The following NLRP11 variants were observed in gnomAD, a reference collection of about 807,000 sequenced individuals.
The protein encoded by NLRP11 is NACHT, LRR and PYD domains-containing protein 11.
Under a neutral mutation model 79.3 loss-of-function variants are expected in NLRP11, and 53 were observed. That is an observed-to-expected ratio of 0.67 (90% CI 0.54 to 0.84). The LOEUF (loss-of-function observed/expected upper bound fraction) is 0.84, where lower values mean the gene tolerates loss of function less well. NLRP11 is among the 40% of genes least tolerant of loss of function. NLRP11 has a pLI of 0.00. For synonymous variants in NLRP11, 518 were observed against 462.6 expected (o/e 1.12, Z -1.54); for missense variants, 1,264 against 1,255.0 (o/e 1.01, Z -0.11).
At chr19:55,823,139 C>A (rs1417844568) in intron 1 of NLRP11, among the ~76,000 whole-genome samples, 627 of 125,536 alleles carry the variant, frequency 5.0e-3, no homozygotes, top group African/African-American at 0.011. Context: ...GGAGGCACCC[C>A]CCAGCAGGAG....
At chr19:55,817,398 T>C (rs1281173208) in intron 2 of NLRP11, among the ~76,000 whole-genome samples, 1 of 151,960 alleles carries the variant, frequency 6.6e-6, no homozygotes, top group African/African-American at 2.4e-5. Flanking sequence ...AATTCGCAAT[T>C]GCAAAAATAT....
In NLRP11 at chr19:55,792,276, T is replaced by C. The variant is rs376258681; in HGVS notation, c.2513+25A>G. The C allele has an allele frequency of 8.7e-6, 14 of 1,606,848 alleles. No homozygotes were observed. The African/African-American group carries it at 1.5e-4, about 17-fold the overall frequency. On this transcript the variant is annotated intron_variant, in intron 7 of 9. Transcript: ENST00000589093. The stretch of plus-strand genomic sequence containing the variant: ...CCCTCATGCAGTAGAAACACAGTCA[T>C]CCAGGACAACTGTGGGAGACTTACT...
chr19:55,819,496 TC>T (rs1981479052), intron 1 of NLRP11, among the ~76,000 whole-genome samples: 1 of 152,094 alleles, frequency 6.6e-6, no homozygotes, highest in Non-Finnish European at 1.5e-5. Context: ...GACTAAAGAA[TC>T]CATTCCAGAG....
At chr19:55,792,277 C>A (rs778348032) in intron 7 of NLRP11, 24 bp downstream of exon 7, 2 of 1,607,742 alleles carry the variant, frequency 1.2e-6, no homozygotes, top group East Asian at 2.2e-5. Context: ...ACACAGTCAT[C>A]CAGGACAACT....
intron 2 of NLRP11, among the ~76,000 whole-genome samples, chr19:55,811,513 T>C (rs1980597560): frequency 6.6e-6 from 1 of 152,048 alleles, no homozygotes; most frequent in Non-Finnish European, 1.5e-5. Flanking sequence ...TGTACTGGAA[T>C]GTGGCACACT....
upstream of NLRP11, chr19:55,836,561 C>A (rs73935415): frequency 6.6e-6 from 1 of 152,336 alleles, no homozygotes; most frequent in African/African-American, 2.4e-5. Context: ...AGGCGTGGAG[C>A]GGTGAGTCAG....
chr19:55,796,364 A>C, intron 5 of NLRP11, 114 bp from the exon 6 acceptor site: 2 of 793,592 alleles, frequency 2.5e-6, no homozygotes, highest in Non-Finnish European at 3.9e-6. Flanking sequence ...GTCTACTTGG[A>C]AATAAATAGA....
intron 7 of NLRP11, among the ~76,000 whole-genome samples, chr19:55,791,928 G>A (rs1481755908): frequency 4.6e-5 from 7 of 152,090 alleles, no homozygotes; most frequent in Non-Finnish European, 1.0e-4. Context: ...ATGCCCCCAT[G>A]ATCGCCAACC....
chr19:55,833,080 A>G (rs1292516696), upstream of NLRP11, among the ~76,000 whole-genome samples: 1 of 152,248 alleles, frequency 6.6e-6, no homozygotes, highest in Admixed American at 6.5e-5. Flanking sequence ...ACTAATTGGA[A>G]TTTAAAATTT....
intron 9 of NLRP11, 62 bp downstream of exon 9, chr19:55,788,745 A>C: frequency 9.9e-5 from 36 of 362,810 alleles, no homozygotes; most frequent in South Asian, 6.9e-4. Flanking sequence ...GTCTCTCAAA[A>C]AAAAAAAAAA....
At chr19:55,817,797 C>T in intron 2 of NLRP11, 107 bp downstream of exon 2, 1 of 893,698 alleles carries the variant, frequency 1.1e-6, no homozygotes, top group Non-Finnish European at 1.7e-6. Flanking sequence ...TCAAATACCA[C>T]CTGCTTCCCA....
intron 7 of NLRP11, among the ~76,000 whole-genome samples, chr19:55,790,365 A>G (rs1481884512): frequency 2.0e-5 from 3 of 152,194 alleles, no homozygotes; most frequent in Admixed American, 6.5e-5. Context: ...CATGAAACAC[A>G]TGTAGATGAA....
At chr19:55,808,440 A>G (rs566731999) in intron 3 of NLRP11, among the ~76,000 whole-genome samples, 2 of 152,260 alleles carry the variant, frequency 1.3e-5, no homozygotes, top group African/African-American at 4.8e-5. Context: ...TTGGTGATGT[A>G]TAAGATTTTT....
chr19:55,806,995 T>C (rs1980061059), intron 4 of NLRP11, among the ~76,000 whole-genome samples: 1 of 152,170 alleles, frequency 6.6e-6, no homozygotes, highest in Non-Finnish European at 1.5e-5. Context: ...AATACCCACT[T>C]ATGCACCCTG....
chr19:55,823,520 A>C (rs891139357), intron 1 of NLRP11, among the ~76,000 whole-genome samples: 3 of 137,218 alleles, frequency 2.2e-5, no homozygotes, highest in Non-Finnish European at 4.6e-5. Flanking sequence ...TTTGAAAAAA[A>C]TTTAGAAGAA....
chr19:55,835,375 T>C (rs946683757), upstream of NLRP11, among the ~76,000 whole-genome samples: 1 of 152,256 alleles, frequency 6.6e-6, no homozygotes, highest in Non-Finnish European at 1.5e-5. Flanking sequence ...CTGTTCTGCC[T>C]ACGCAGAAAG....
Position 55,788,881 on chromosome 19 carries a change from A to AT in NLRP11, c.2780dup (p.Asn927LysfsTer6). 1 of 1,613,486 alleles carries AT rather than the reference A, an allele frequency of 6.2e-7. No homozygotes were observed. Among genetic ancestry groups the AT allele is most frequent in the South Asian group, 1.1e-5 (1 of 91,064 alleles). Reference sequence around the variant, plus strand: ...TTGCAACTCCATCATTGCCCAAGTGATTTTGAAGCAAGTTGAGTCTTTCTA... The same window carrying AT: ...TTGCAACTCCATCATTGCCCAAGTGATTTTTGAAGCAAGTTGAGTCTTTCTA... On this transcript the variant is annotated frameshift_variant, in exon 9 of 10. Coordinates refer to ENST00000589093, the Ensembl canonical transcript of NLRP11. LOFTEE classifies it high-confidence loss of function.
intron 5 of NLRP11, among the ~76,000 whole-genome samples, chr19:55,799,460 G>A (rs1979260707): frequency 6.6e-6 from 1 of 152,024 alleles, no homozygotes; most frequent in Non-Finnish European, 1.5e-5. Flanking sequence ...AGTCCAGGAA[G>A]ATGAAAAACA....
rs867713802 is a variant in NLRP11 at position 55,821,203 on chromosome 19, T to A, written c.-62-2967A>T. On this transcript the variant is annotated intron_variant, in intron 1 of 9. Coordinates refer to ENST00000589093, the Ensembl canonical transcript of NLRP11. ...CTATGTGACCAGCTCTCTCTCTCTC[T>A]CTCACACACACACACACACACACAC... Among the ~76,000 whole-genome samples the A allele has an allele frequency of 4.6e-3, 522 of 113,210 alleles. 3 individuals carry two copies. The highest frequency in any genetic ancestry group is 4.4e-3 in the African/African-American group (95 of 21,788). 74.3% of individuals were successfully genotyped at this position (113,210 alleles called of 152,430 possible). A position where few individuals can be genotyped will look rare whatever the true frequency, so the allele number is the denominator to read the frequency against.
Sources: allele counts gnomAD v4.1 joint callset (sites outside exome capture counted in the v4.1 genomes callset), GRCh38; gene constraint gnomAD v4.1.1; transcripts MANE v1.5; gene names NCBI Gene and HGNC (gene_info 2026-07-23, HGNC 2026-07-21).